The following PRKCB variants were observed in gnomAD, a reference collection of about 807,000 sequenced individuals.
PRKCB encodes protein kinase C beta.
In PRKCB, 13 loss-of-function variants were observed where a neutral mutation model predicts 81.5. The observed-to-expected ratio is 0.16, with a 90% CI of 0.10 to 0.25. The LOEUF is 0.25. Ranked by LOEUF, PRKCB falls within the 10% of genes least tolerant of loss-of-function variation. The pLI, the probability that PRKCB is intolerant of heterozygous loss-of-function variation, is 1.00. For synonymous variants in PRKCB, 335 were observed against 321.4 expected (o/e 1.04, Z -0.45); for missense variants, 509 against 875.7 (o/e 0.58, Z 5.29).
chr16:24,214,444 A>T (rs1489900247), intron 16 of PRKCB, among the ~76,000 whole-genome samples: 2 of 152,090 alleles, frequency 1.3e-5, no homozygotes, highest in Non-Finnish European at 2.9e-5. Context: ...CAAAAACTGA[A>T]GGTCGGGAAC....
At chr16:24,071,519 A>C (rs1429142686) in intron 5 of PRKCB, among the ~76,000 whole-genome samples, 1 of 150,378 alleles carries the variant, frequency 6.6e-6, no homozygotes, top group Non-Finnish European at 1.5e-5. Flanking sequence ...TCCAATTTCC[A>C]CCAATTTTAA....
intron 3 of PRKCB, among the ~76,000 whole-genome samples, chr16:24,023,385 T>C (rs551474237): frequency 2.0e-5 from 3 of 152,304 alleles, no homozygotes; most frequent in Admixed American, 6.5e-5. Flanking sequence ...TTTATTTATT[T>C]TGAGACGGAG....
chr16:24,059,281 A>G (rs1469687875), intron 5 of PRKCB, among the ~76,000 whole-genome samples: 1 of 152,172 alleles, frequency 6.6e-6, no homozygotes, highest in Non-Finnish European at 1.5e-5. Flanking sequence ...GCACTGTAAG[A>G]GCAGGAAGGT....
rs371483000 is a variant in PRKCB at position 24,023,392 on chromosome 16, G to A, written c.289-8744G>A. ...GATACTTATTTATTTATTTTGAGACGGAGTCTCGCTCTGTCACCCAGGCTG... is the reference window on the plus strand; with the variant it reads ...GATACTTATTTATTTATTTTGAGACAGAGTCTCGCTCTGTCACCCAGGCTG... On this transcript the variant is annotated intron_variant, in intron 3 of 16. Coordinates refer to ENST00000643927, the MANE Select transcript of PRKCB (RefSeq NM_002738.7). 2.8e-3 allele frequency among the ~76,000 whole-genome samples: 426 copies of A among 151,996 alleles called. 4 individuals carry two copies. Among genetic ancestry groups the A allele is most frequent in the African/African-American group, 9.3e-3 (386 of 41,448 alleles).
chr16:24,045,011 T>C lies in PRKCB; in HGVS notation c.529+9464T>C, dbSNP rs528555909. Among the ~76,000 whole-genome samples, 5 of 152,244 alleles carry C rather than the reference T, an allele frequency of 3.3e-5. No homozygotes were observed. In the East Asian group the frequency reaches 9.6e-4, roughly 29 times the overall value. On this transcript the variant is annotated intron_variant, in intron 5 of 16. Coordinates refer to ENST00000643927, the MANE Select transcript of PRKCB (RefSeq NM_002738.7). The stretch of plus-strand genomic sequence containing the variant: ...GTAAACACTGGGATCGCAGCAGGAT[T>C]GGGAGTGAAGAGGCTGTGGCGGTGA...
chr16:23,917,703 A>G (rs16972978), intron 2 of PRKCB, among the ~76,000 whole-genome samples: 5,060 of 152,316 alleles, frequency 0.033, 141 homozygotes, highest in African/African-American at 0.067. Flanking sequence ...CACATTTAAA[A>G]CAGAGGCACT....
chr16:23,880,275 C>T (rs925196772), intron 2 of PRKCB, among the ~76,000 whole-genome samples: 3 of 152,114 alleles, frequency 2.0e-5, no homozygotes, highest in African/African-American at 7.2e-5. Flanking sequence ...ATTATAGGGG[C>T]TCCCTAGAAC....
At chr16:23,963,987 G>A (rs1010422376) in intron 2 of PRKCB, among the ~76,000 whole-genome samples, 2 of 152,174 alleles carry the variant, frequency 1.3e-5, no homozygotes, top group African/African-American at 4.8e-5. Flanking sequence ...ACCATGGACA[G>A]TAGTAGGGCT....
At chr16:24,165,942 A>C (rs954075545) in intron 10 of PRKCB, among the ~76,000 whole-genome samples, 1 of 131,102 alleles carries the variant, frequency 7.6e-6, no homozygotes, top group Non-Finnish European at 1.5e-5. Flanking sequence ...GCTGGAGTGC[A>C]GTGGCATGAT....
At chr16:24,035,271 C>A in intron 4 of PRKCB, 148 bp from the exon 5 acceptor site, 1 of 980,244 alleles carries the variant, frequency 1.0e-6, no homozygotes, top group Non-Finnish European at 1.5e-6. Context: ...GAGATCCTGG[C>A]AGGCAAGTTG....
chr16:24,160,786 G>T (rs1054036021), intron 10 of PRKCB, among the ~76,000 whole-genome samples: 2 of 152,132 alleles, frequency 1.3e-5, no homozygotes, highest in African/African-American at 4.8e-5. Context: ...ATCAAGGAAG[G>T]TCTCTCTGAT....
chr16:23,994,210 G>T (rs1964925583), intron 3 of PRKCB, among the ~76,000 whole-genome samples: 1 of 152,120 alleles, frequency 6.6e-6, no homozygotes, highest in Non-Finnish European at 1.5e-5. Flanking sequence ...GACCTAAAAT[G>T]TCACTTGTCC....
rs534663355 is a variant in PRKCB at position 24,090,269 on chromosome 16, T to C, written c.530-2522T>C. On this transcript the variant is annotated intron_variant, in intron 5 of 16. Coordinates refer to ENST00000643927, the MANE Select transcript of PRKCB (RefSeq NM_002738.7). The stretch of plus-strand genomic sequence containing the variant: ...GGAAAAATAGAAGACACTGCCATGT[T>C]GCTGGAGTGCAGAAAAAATGTCAGC... Among the ~76,000 whole-genome samples the C allele has an allele frequency of 4.6e-5, 7 of 152,320 alleles. No homozygotes were observed. In the South Asian group the frequency reaches 1.0e-3, roughly 23 times the overall value.
intron 3 of PRKCB, among the ~76,000 whole-genome samples, chr16:23,992,966 T>G (rs1964907101): frequency 6.6e-6 from 1 of 152,096 alleles, no homozygotes; most frequent in Admixed American, 6.5e-5. Context: ...CAGGGTGGCA[T>G]TGGCCTTTCC....
chr16:23,891,331 G>T (rs1300359082), intron 2 of PRKCB, among the ~76,000 whole-genome samples: 1 of 152,038 alleles, frequency 6.6e-6, no homozygotes, highest in African/African-American at 2.4e-5. Context: ...GGAAATACAG[G>T]CATGAGACAC....
chr16:24,140,435 G>A (rs1251053752), intron 9 of PRKCB, among the ~76,000 whole-genome samples: 4 of 152,168 alleles, frequency 2.6e-5, no homozygotes, highest in Non-Finnish European at 4.4e-5. Flanking sequence ...TTATAATAGG[G>A]AAAGAGCTTT....
intron 3 of PRKCB, among the ~76,000 whole-genome samples, chr16:23,990,830 G>A (rs1964877243): frequency 6.6e-6 from 1 of 152,188 alleles, no homozygotes; most frequent in South Asian, 2.1e-4. Context: ...TTACAGGCAT[G>A]AGTCACTGTA....
intron 9 of PRKCB, among the ~76,000 whole-genome samples, chr16:24,147,105 G>C (rs1967001556): frequency 6.6e-6 from 1 of 151,868 alleles, no homozygotes; most frequent in Non-Finnish European, 1.5e-5. Context: ...TCAGGAGATT[G>C]AGACCATCCT....
intron 10 of PRKCB, among the ~76,000 whole-genome samples, chr16:24,163,776 GT>G (rs1189258635): frequency 6.6e-6 from 1 of 152,220 alleles, no homozygotes; most frequent in African/African-American, 2.4e-5. Context: ...GTCATCTGAT[GT>G]ATCTTGGCAA....
Sources: allele counts gnomAD v4.1 joint callset (sites outside exome capture counted in the v4.1 genomes callset), GRCh38; gene constraint gnomAD v4.1.1; transcripts MANE v1.5; gene names NCBI Gene and HGNC (gene_info 2026-07-23, HGNC 2026-07-21).